SEC23B: variants seen among roughly 807,000 people sequenced by gnomAD.
SEC23B encodes the protein SEC23 homolog B, COPII component.
A neutral mutation model predicts 104.3 loss-of-function variants in SEC23B; 77 were observed. That is an observed-to-expected ratio of 0.74 (90% CI 0.61 to 0.89). SEC23B has a LOEUF of 0.89. SEC23B is among the 40% of genes least tolerant of loss of function. The pLI is 0.00. For synonymous variants in SEC23B, 338 were observed against 332.5 expected, an observed-to-expected ratio of 1.02 and a Z score of -0.18; for missense variants, 885 against 949.4, an observed-to-expected ratio of 0.93 and a Z score of 0.89.
At chr20:18,515,560 G>C in intron 3 of SEC23B, 90 bp from the exon 4 acceptor site, 1 of 775,694 alleles carries the variant, frequency 1.3e-6, no homozygotes, top group Non-Finnish European at 2.3e-6. Context: ...TGTTCCTCTC[G>C]TCTTGGCATC....
intron 11 of SEC23B, among the ~76,000 whole-genome samples, chr20:18,534,689 A>G (rs752075273): frequency 6.6e-6 from 1 of 152,184 alleles, no homozygotes; most frequent in African/African-American, 2.4e-5. Flanking sequence ...GCATCCATTG[A>G]TCTTCATGCA....
intron 19 of SEC23B, among the ~76,000 whole-genome samples, chr20:18,559,082 G>C (rs949298934): frequency 2.6e-5 from 4 of 151,326 alleles, no homozygotes; most frequent in Non-Finnish European, 4.4e-5. Flanking sequence ...GTGGTTGGTG[G>C]GGGGGGTGTC....
At chr20:18,513,175 T>A (rs1348652913) in intron 3 of SEC23B, among the ~76,000 whole-genome samples, 2 of 151,224 alleles carry the variant, frequency 1.3e-5, no homozygotes, top group Admixed American at 1.3e-4. Flanking sequence ...AGAGCAAGAC[T>A]CCGTCTCAAA....
At chr20:18,554,700 A>T (rs544233341) in intron 18 of SEC23B, among the ~76,000 whole-genome samples, 21 of 151,868 alleles carry the variant, frequency 1.4e-4, no homozygotes, top group Non-Finnish European at 2.5e-4. Context: ...GGTGGCGGGC[A>T]CCTGTAGTCC....
intron 13 of SEC23B, 92 bp from the exon 14 acceptor site, chr20:18,542,927 C>G: frequency 2.6e-6 from 4 of 1,519,884 alleles, no homozygotes; most frequent in Non-Finnish European, 3.7e-6. Flanking sequence ...GAATGAGCCA[C>G]TGCACCTAGC....
At chr20:18,518,585 T>TTTTTTG (rs2060053555) in intron 4 of SEC23B, among the ~76,000 whole-genome samples, 1 of 88,220 alleles carries the variant, frequency 1.1e-5, no homozygotes, top group Admixed American at 1.1e-4. Context: ...GAAGGAGGTT[T>TTTTTTG]TTTTTTTTTT....
chr20:18,510,696 G>A lies in SEC23B; in HGVS notation c.-14-126G>A, dbSNP rs2059973570. On this transcript the variant is annotated intron_variant, in intron 1 of 19. Coordinates refer to ENST00000650089, the MANE Select transcript of SEC23B (RefSeq NM_006363.6). Reference sequence around the variant, plus strand: ...CAGGAGAATCGCTTGAACCCGGGAGGTGGAGGCTGCAGTGAGCTGAGATGG... The same window carrying A: ...CAGGAGAATCGCTTGAACCCGGGAGATGGAGGCTGCAGTGAGCTGAGATGG... 8.1e-6 allele frequency: 6 copies of A among 742,882 alleles called. No individual in the cohort carries two copies. In the Admixed American group the frequency reaches 1.2e-4, roughly 15 times the overall value. 46.0% of individuals were successfully genotyped at this position (742,882 alleles called of 1,614,324 possible). A position where few individuals can be genotyped will look rare whatever the true frequency, so the allele number is the denominator to read the frequency against.
At chr20:18,527,898 T>C (rs943006913) in intron 9 of SEC23B, among the ~76,000 whole-genome samples, 1 of 152,204 alleles carries the variant, frequency 6.6e-6, no homozygotes, top group African/African-American at 2.4e-5. Context: ...GCAAGCAGCA[T>C]GGACTATCTG....
intron 12 of SEC23B, among the ~76,000 whole-genome samples, chr20:18,536,563 G>A (rs2060232726): frequency 6.6e-6 from 1 of 152,096 alleles, no homozygotes; most frequent in Non-Finnish European, 1.5e-5. Flanking sequence ...GTGTTGGTGG[G>A]TGCCTGTAGT....
At chr20:18,516,247 T>G (rs376679231) in intron 4 of SEC23B, among the ~76,000 whole-genome samples, 1,182 of 89,214 alleles carry the variant, frequency 0.013, 5 homozygotes, top group Non-Finnish European at 0.021. Flanking sequence ...CCACAGTAAT[T>G]CTTTTTTTTT....
intron 12 of SEC23B, among the ~76,000 whole-genome samples, chr20:18,537,988 C>T (rs1002605537): frequency 2.0e-5 from 3 of 151,836 alleles, no homozygotes; most frequent in Non-Finnish European, 2.9e-5. Flanking sequence ...CACCCAGGCA[C>T]GATCTATCAC....
At chr20:18,545,515 A>G (rs2060324136) in intron 14 of SEC23B, among the ~76,000 whole-genome samples, 1 of 152,208 alleles carries the variant, frequency 6.6e-6, no homozygotes, top group Admixed American at 6.5e-5. Flanking sequence ...TGTGAGCAGA[A>G]ATAAAGGCGG....
intron 12 of SEC23B, 86 bp downstream of exon 12, chr20:18,535,828 T>C: frequency 9.8e-7 from 1 of 1,020,610 alleles, no homozygotes; most frequent in South Asian, 1.3e-5. Context: ...GTTACTTTCT[T>C]CACAAACCAA....
intron 8 of SEC23B, 45 bp downstream of exon 8, chr20:18,526,576 C>A (rs1044801323): frequency 6.2e-7 from 1 of 1,605,316 alleles, no homozygotes; most frequent in African/African-American, 1.3e-5. Context: ...AGCCCATTGT[C>A]AGGTTTGGGC....
At chr20:18,540,612 T>C (rs2060278881) in intron 12 of SEC23B, among the ~76,000 whole-genome samples, 2 of 152,142 alleles carry the variant, frequency 1.3e-5, no homozygotes, top group Admixed American at 1.3e-4. Flanking sequence ...TCCCAGCACT[T>C]TGGGAGGCCA....
At position 18,525,482 on chromosome 20, in the gene SEC23B, C is replaced by T. The variant is rs189396044; in HGVS notation, c.690-306C>T. Among the ~76,000 whole-genome samples, 6 of 152,310 alleles carry T rather than the reference C, an allele frequency of 3.9e-5. No individual in the cohort carries two copies. The East Asian group carries it at 1.2e-3, about 29-fold the overall frequency. On this transcript the variant is annotated intron_variant, in intron 6 of 19. Transcript: ENST00000650089. ...AAATGGACCTCACATAGACTGAACT[C>T]ATGTTAGGCATGTCCTTAGGATTTT...
At chr20:18,537,560 G>T (rs1216199490) in intron 12 of SEC23B, among the ~76,000 whole-genome samples, 1 of 152,050 alleles carries the variant, frequency 6.6e-6, no homozygotes, top group East Asian at 1.9e-4. Context: ...CACAGGAAGG[G>T]GAACATCACA....
chr20:18,548,249 C>T (rs981750237), intron 15 of SEC23B, among the ~76,000 whole-genome samples: 21 of 131,762 alleles, frequency 1.6e-4, no homozygotes, highest in African/African-American at 5.3e-4. Context: ...CCACGCCTGG[C>T]CAAAGGCCCT....
chr20:18,551,197 A>C, intron 17 of SEC23B, 22 bp downstream of exon 17: 1 of 1,315,616 alleles, frequency 7.6e-7, no homozygotes, highest in Non-Finnish European at 1.1e-6. Flanking sequence ...TTATTAATTA[A>C]TTAATTTCTT....
Sources: allele counts gnomAD v4.1 joint callset (sites outside exome capture counted in the v4.1 genomes callset), GRCh38; gene constraint gnomAD v4.1.1; transcripts MANE v1.5; gene names NCBI Gene and HGNC (gene_info 2026-07-23, HGNC 2026-07-21).